The following KLHL29 variants were observed in gnomAD, a reference collection of about 807,000 sequenced individuals.
KLHL29 encodes the protein kelch like family member 29, also known as kelch-like protein 29.
KLHL29 carries 21 observed loss-of-function variants against 80.4 expected under a neutral mutation model. The observed-to-expected ratio is 0.26, with a 90% CI of 0.19 to 0.38. The LOEUF (loss-of-function observed/expected upper bound fraction) is 0.38. Among genes scored for constraint, KLHL29 ranks in the 10% least tolerant of loss-of-function variants. The pLI, the probability that KLHL29 is intolerant of heterozygous loss-of-function variation, is 1.00. For missense variants in KLHL29, 867 were observed against 1,223.9 expected, an observed-to-expected ratio of 0.71 and a Z score of 4.35; for synonymous variants, 511 against 526.8, an observed-to-expected ratio of 0.97 and a Z score of 0.41.
rs1190402655 is a variant in KLHL29 at position 23,680,092 on chromosome 2, G to A, written c.941-4307G>A. 6.6e-6 allele frequency among the ~76,000 whole-genome samples: 1 copy of A among 152,178 alleles called. No homozygotes were observed. Among genetic ancestry groups the A allele is most frequent in the Non-Finnish European group, 1.5e-5 (1 of 68,024 alleles). On this transcript the variant is annotated intron_variant, in intron 5 of 13. Coordinates refer to ENST00000486442, the MANE Select transcript of KLHL29 (RefSeq NM_052920.2). This position sits in a 1 kb window ranked among gnomAD's most constrained non-coding sequence, Gnocchi z 4.1. ...TGAGGATGCAGTGTGGAGGTGGCCTGGAGGGGGACAGGCTGGAAACAGGGA... is the reference window on the plus strand; with the variant it reads ...TGAGGATGCAGTGTGGAGGTGGCCTAGAGGGGGACAGGCTGGAAACAGGGA...
Position 23,684,352 on chromosome 2 carries a change from A to C in KLHL29, c.941-47A>C, listed in dbSNP as rs1262204056. ...AAACTTTTTTTAATTAAAAAAAAAA[A>C]AACTCTTAATGGGAACCTGGCCCTG... On this transcript the variant is annotated intron_variant, in intron 5 of 13. Transcript: ENST00000486442. The surrounding 1 kb of genome is among the most constrained non-coding windows in gnomAD (Gnocchi z 4.4). 3 of 1,318,814 alleles carry C rather than the reference A, an allele frequency of 2.3e-6. No homozygotes were observed. Among genetic ancestry groups the C allele is most frequent in the Non-Finnish European group, 2.9e-6 (3 of 1,020,600 alleles). The allele number at this position is 1,318,814 out of a possible 1,614,324, so 81.7% of individuals were successfully genotyped here.
intron 3 of KLHL29, among the ~76,000 whole-genome samples, chr2:23,567,007 A>C (rs1400663322): frequency 6.6e-6 from 1 of 152,154 alleles, no homozygotes; most frequent in Non-Finnish European, 1.5e-5. Flanking sequence ...ATGCTAAGGA[A>C]CTGGGATGGC....
chr2:23,586,362 C>CA (rs1553341259), intron 3 of KLHL29, among the ~76,000 whole-genome samples: 22 of 96,992 alleles, frequency 2.3e-4, no homozygotes, highest in African/African-American at 9.8e-4. Context: ...AAAAGCATTA[C>CA]TTTTTTTTTT....
chr2:23,516,844 G>A (rs1665947628), intron 2 of KLHL29, among the ~76,000 whole-genome samples: 1 of 151,244 alleles, frequency 6.6e-6, no homozygotes, highest in Admixed American at 6.6e-5. Flanking sequence ...TTGATCTGGG[G>A]TGAGGCAGGA....
At chr2:23,572,978 G>A (rs988269158) in intron 3 of KLHL29, among the ~76,000 whole-genome samples, 14 of 152,338 alleles carry the variant, frequency 9.2e-5, no homozygotes, top group Middle Eastern at 3.4e-3. Context: ...GTGAGCCACC[G>A]CGCCCGGCCC....
chr2:23,568,869 ACTCT>A (rs1667651040), intron 3 of KLHL29, among the ~76,000 whole-genome samples: 1 of 152,132 alleles, frequency 6.6e-6, no homozygotes, highest in Non-Finnish European at 1.5e-5. Flanking sequence ...AGAAAGGATT[ACTCT>A]CTCATATGGC....
intron 2 of KLHL29, among the ~76,000 whole-genome samples, chr2:23,509,638 G>A (rs954944702): frequency 4.6e-5 from 7 of 152,052 alleles, no homozygotes. Context: ...TTTAATATGT[G>A]CACGGTGCAA....
At chr2:23,449,656 A>G (rs960562422) in intron 1 of KLHL29, among the ~76,000 whole-genome samples, 2 of 152,200 alleles carry the variant, frequency 1.3e-5, no homozygotes, top group African/African-American at 4.8e-5. Context: ...AGCCAGTCAC[A>G]CAGTCATGCT....
rs1417782901 is a variant in KLHL29, at chr2:23,669,239, G to T, written c.941-15160G>T. 1.3e-5 allele frequency: 2 copies of T among 152,320 alleles called. No individual in the cohort carries two copies. 9.4% of individuals were successfully genotyped at this position (152,320 alleles called of 1,614,324 possible). A position where few individuals can be genotyped will look rare whatever the true frequency, so the allele number is the denominator to read the frequency against. On this transcript the variant is annotated intron_variant, in intron 5 of 13. Transcript: ENST00000486442. The surrounding 1 kb of genome is among the most constrained non-coding windows in gnomAD (Gnocchi z 4.3). ...GCCCCTGCTGGGTGCTCAGTGCTGG[G>T]AGTCCCTGTCCATGAGCCACCCCTG...
rs1031690887 is a variant in KLHL29 at position 23,486,936 on chromosome 2, A to G, written c.-46+11269A>G. ...CCCAAGGCTGTGCTAAGCAACTTGCATGCACTTTCTCGTGGAATCCTCCCA... is the reference window on the plus strand; with the variant it reads ...CCCAAGGCTGTGCTAAGCAACTTGCGTGCACTTTCTCGTGGAATCCTCCCA... On this transcript the variant is annotated intron_variant, in intron 2 of 13. Transcript: ENST00000486442. 6.6e-5 allele frequency among the ~76,000 whole-genome samples: 10 copies of G among 152,306 alleles called. 1 individual carries two copies. In the South Asian group the frequency reaches 1.9e-3, roughly 28 times the overall value.
At chr2:23,481,037 C>T (rs1664784176) in intron 2 of KLHL29, among the ~76,000 whole-genome samples, 1 of 152,228 alleles carries the variant, frequency 6.6e-6, no homozygotes. Context: ...CTTCCATGCT[C>T]TCGAAACGGT....
intron 5 of KLHL29, among the ~76,000 whole-genome samples, chr2:23,683,226 G>A (rs1671141707): frequency 6.6e-6 from 1 of 152,234 alleles, no homozygotes; most frequent in African/African-American, 2.4e-5. Flanking sequence ...ATGGCCGGTG[G>A]GGCTGGAGAG....
At chr2:23,429,937 A>T (rs1164226693) in intron 1 of KLHL29, among the ~76,000 whole-genome samples, 1 of 152,092 alleles carries the variant, frequency 6.6e-6, no homozygotes, top group African/African-American at 2.4e-5. Context: ...GGCACTTTAC[A>T]TATATTAACT....
At chr2:23,526,326 A>AG (rs1325329145) in intron 2 of KLHL29, among the ~76,000 whole-genome samples, 2 of 151,796 alleles carry the variant, frequency 1.3e-5, no homozygotes, top group African/African-American at 4.8e-5. Context: ...GGCATGCGGG[A>AG]GGGGTGGCAT....
intron 2 of KLHL29, among the ~76,000 whole-genome samples, chr2:23,475,883 A>C (rs1382676836): frequency 6.6e-6 from 1 of 152,154 alleles, no homozygotes; most frequent in Non-Finnish European, 1.5e-5. Context: ...AGAATCAACC[A>C]AAGAGAATAT....
At chr2:23,633,444 A>G (rs906659236) in intron 3 of KLHL29, among the ~76,000 whole-genome samples, 2 of 152,224 alleles carry the variant, frequency 1.3e-5, no homozygotes, top group African/African-American at 4.8e-5. Context: ...TTTGCAATAT[A>G]TACAAAATGG....
At position 23,681,756 on chromosome 2, in the gene KLHL29, G is replaced by A. The variant is rs1373970104; in HGVS notation, c.941-2643G>A. 6.6e-6 allele frequency among the ~76,000 whole-genome samples: 1 copy of A among 152,152 alleles called. No homozygotes were observed. The highest frequency in any genetic ancestry group is 2.4e-5 in the African/African-American group (1 of 41,424). On this transcript the variant is annotated intron_variant, in intron 5 of 13. Coordinates refer to ENST00000486442, the MANE Select transcript of KLHL29 (RefSeq NM_052920.2). This position sits in a 1 kb window ranked among gnomAD's most constrained non-coding sequence, Gnocchi z 4.2. The stretch of plus-strand genomic sequence containing the variant: ...TCCAGGTCTTCAGAATCCCAGCCCA[G>A]AATTCTGTCCCCTCCCCTACCGCTT...
At chr2:23,553,315 C>A (rs1394478660) in intron 2 of KLHL29, among the ~76,000 whole-genome samples, 1 of 152,216 alleles carries the variant, frequency 6.6e-6, no homozygotes, top group Non-Finnish European at 1.5e-5. Context: ...CAACGAGAAC[C>A]TTTCAGTTCA....
intron 2 of KLHL29, among the ~76,000 whole-genome samples, chr2:23,480,275 C>T (rs1190008810): frequency 7.2e-5 from 11 of 152,216 alleles, no homozygotes; most frequent in South Asian, 2.1e-4. Flanking sequence ...TCACTTGAGG[C>T]CAGGAGTTCA....
Sources: allele counts gnomAD v4.1 joint callset (sites outside exome capture counted in the v4.1 genomes callset), GRCh38; gene constraint gnomAD v4.1.1; non-coding constraint Gnocchi (gnomAD v3.1); transcripts MANE v1.5; gene names NCBI Gene and HGNC (gene_info 2026-07-23, HGNC 2026-07-21).